PHKA1: variants seen among roughly 807,000 people sequenced by gnomAD.
The protein encoded by PHKA1 is phosphorylase b kinase regulatory subunit alpha, skeletal muscle isoform.
In PHKA1, 60 loss-of-function variants were observed where a neutral mutation model predicts 110.2. The ratio of observed to expected loss-of-function variants is 0.54; its 90% CI spans 0.44 to 0.68. PHKA1 has a LOEUF of 0.68. PHKA1 is among the 30% of genes least tolerant of loss of function. The pLI is 0.00. For synonymous variants in PHKA1, 316 were observed against 333.6 expected (o/e 0.95, Z 0.58); for missense variants, 801 against 942.5 (o/e 0.85, Z 1.97).
chrX:72,633,271 C>A (rs1395738114), intron 16 of PHKA1, among the ~76,000 whole-genome samples: 1 of 111,289 alleles, frequency 9.0e-6, no homozygotes, highest in Non-Finnish European at 1.9e-5. Context: ...GTGCAGCCAT[C>A]ATGGATGGGA....
intron 23 of PHKA1, among the ~76,000 whole-genome samples, chrX:72,608,141 C>T (rs1442889399): frequency 2.7e-5 from 3 of 111,295 alleles, no homozygotes; most frequent in Non-Finnish European, 5.7e-5. Context: ...TTAGTCAGCA[C>T]GTGATAAATC....
chrX:72,648,458 G>C (rs1556297808), intron 13 of PHKA1, among the ~76,000 whole-genome samples: 1 of 111,661 alleles, frequency 9.0e-6, no homozygotes, highest in East Asian at 2.8e-4. Context: ...TAGTGGTTGA[G>C]AAGTATGAAA....
chrX:72,601,275 G>A lies in PHKA1; in HGVS notation c.3072+716C>T, dbSNP rs576441947. On this transcript the variant is annotated intron_variant, in intron 28 of 31. Coordinates refer to ENST00000373542, the MANE Select transcript of PHKA1 (RefSeq NM_002637.4). ...TATTCAATGATACTTGTTAAAGCAC[G>A]GTAAGGAAGACTTTATTCAGGACCA... 5.2e-4 allele frequency among the ~76,000 whole-genome samples: 58 copies of A among 111,638 alleles called. 2 individuals are homozygous for A. In the South Asian group the frequency reaches 0.018, roughly 34 times the overall value.
chrX:72,580,907 G>A lies in PHKA1; in HGVS notation c.*95C>T. The A allele has an allele frequency of 1.3e-6, 1 of 783,115 alleles. No homozygotes were observed. The highest frequency in any genetic ancestry group is 1.9e-6 in the Non-Finnish European group (1 of 521,838). The allele number at this position is 783,115 out of a possible 1,213,427, so 64.5% of individuals were successfully genotyped here. Reference sequence around the variant, plus strand: ...GGATGGGACAGAAAGGGGCAGGGTTGGAGTGATTAGGCAATAACATTTTAG... The same window carrying A: ...GGATGGGACAGAAAGGGGCAGGGTTAGAGTGATTAGGCAATAACATTTTAG... On this transcript the variant is annotated 3_prime_UTR_variant, in exon 32 of 32. Transcript: ENST00000373542.
chrX:72,655,345 C>T (rs1261291836), intron 10 of PHKA1, among the ~76,000 whole-genome samples: 3 of 111,438 alleles, frequency 2.7e-5, no homozygotes, highest in Admixed American at 9.4e-5. Flanking sequence ...CCCAGGAGAT[C>T]GAAGCTGCAG....
At chrX:72,675,210 A>T (rs1224772531) in intron 6 of PHKA1, among the ~76,000 whole-genome samples, 1 of 107,036 alleles carries the variant, frequency 9.3e-6, no homozygotes, top group Non-Finnish European at 1.9e-5. Context: ...TAATAATAAT[A>T]AATAAATAAA....
intron 10 of PHKA1, among the ~76,000 whole-genome samples, chrX:72,653,912 A>G (rs1366228235): frequency 9.0e-6 from 1 of 110,944 alleles, no homozygotes; most frequent in Non-Finnish European, 1.9e-5. Context: ...TAGCTTCTAG[A>G]TTTGAGGATG....
chrX:72,667,285 C>T (rs1556306792), intron 7 of PHKA1, 90 bp downstream of exon 7: 2 of 639,428 alleles, frequency 3.1e-6, no homozygotes, highest in African/African-American at 4.4e-5. Flanking sequence ...CACTGTCTCT[C>T]ATTCAGCTAT....
chrX:72,693,529 G>A (rs782306308), intron 4 of PHKA1, among the ~76,000 whole-genome samples: 1 of 111,855 alleles, frequency 8.9e-6, no homozygotes, highest in East Asian at 2.8e-4. Flanking sequence ...TGACACCCCT[G>A]CTTTACAAAT....
At chrX:72,703,603 C>G (rs2054236101) in intron 3 of PHKA1, among the ~76,000 whole-genome samples, 1 of 111,466 alleles carries the variant, frequency 9.0e-6, no homozygotes, top group African/African-American at 3.3e-5. Flanking sequence ...ATCACTTGAG[C>G]CCAGAGGCCA....
intron 27 of PHKA1, 40 bp downstream of exon 27, chrX:72,602,118 C>G: frequency 9.3e-7 from 1 of 1,072,546 alleles, no homozygotes; most frequent in East Asian, 3.0e-5. Flanking sequence ...TGTTCTGAAA[C>G]ATGGCAATAT....
intron 6 of PHKA1, among the ~76,000 whole-genome samples, chrX:72,669,921 G>GTA (rs2053665700): frequency 9.0e-6 from 1 of 110,522 alleles, no homozygotes; most frequent in Admixed American, 9.6e-5. Flanking sequence ...GGGTCAAATG[G>GTA]TATTTCTAGT....
chrX:72,620,280 T>C (rs1297428225), intron 19 of PHKA1, among the ~76,000 whole-genome samples: 2 of 111,589 alleles, frequency 1.8e-5, no homozygotes, highest in Non-Finnish European at 3.8e-5. Flanking sequence ...CCCTCCACTG[T>C]GAATACAACT....
chrX:72,630,832 T>G (rs782448952), intron 16 of PHKA1, among the ~76,000 whole-genome samples: 1 of 110,964 alleles, frequency 9.0e-6, no homozygotes, highest in Non-Finnish European at 1.9e-5. Flanking sequence ...AATTTTTCAG[T>G]CATTATTAGT....
intron 25 of PHKA1, among the ~76,000 whole-genome samples, chrX:72,603,435 C>G (rs1274392988): frequency 9.0e-6 from 1 of 111,654 alleles, no homozygotes. Context: ...TGTGGATTAG[C>G]GAGGTAATTG....
At chrX:72,587,963 G>C (rs2037140924) in intron 29 of PHKA1, among the ~76,000 whole-genome samples, 1 of 111,456 alleles carries the variant, frequency 9.0e-6, no homozygotes. Flanking sequence ...AAGAGACTCA[G>C]ACTCCCACAC....
rs782274558 is a variant in PHKA1 at position 72,635,159 on chromosome X, C to A, written c.1710G>T (p.Met570Ile). The change falls in exon 16 of 32, where the codon ATG (methionine) becomes ATT (isoleucine). Residue 570 changes from methionine to isoleucine, a missense_variant. This residue lies in a region of PHKA1 where 502 missense variants were observed against 519.2 expected (regional missense o/e 0.97). Transcript: ENST00000373542. ...CTTGCCTCATGCAGCCCTTACCAAGCATGCTGTGTGAGATGGGGAAGGTGA... is the reference window on the plus strand; with the variant it reads ...CTTGCCTCATGCAGCCCTTACCAAGAATGCTGTGTGAGATGGGGAAGGTGA... ...PTITFPISHS[M>I]LDEDGTSLNS... 5 of 1,210,238 alleles carry A rather than the reference C, an allele frequency of 4.1e-6. No homozygotes were observed. Among genetic ancestry groups the A allele is most frequent in the Non-Finnish European group, 5.6e-6 (5 of 895,281 alleles).
chrX:72,584,761 T>C (rs1556209106), intron 29 of PHKA1, among the ~76,000 whole-genome samples: 1 of 110,932 alleles, frequency 9.0e-6, no homozygotes, highest in African/African-American at 3.3e-5. Context: ...GTTTTTTTTT[T>C]ATTATTATAC....
At chrX:72,634,050 A>C (rs1014068932) in intron 16 of PHKA1, among the ~76,000 whole-genome samples, 21 of 111,795 alleles carry the variant, frequency 1.9e-4, no homozygotes, top group African/African-American at 6.5e-4. Context: ...GTTAAGTCCT[A>C]CCTCAGTTGA....
Sources: gnomAD v4.1 joint callset for allele counts (sites outside exome capture counted in the v4.1 genomes callset) on GRCh38, gnomAD v4.1.1 for gene constraint, gnomAD v4.1.1 regional missense constraint, MANE v1.5 for transcripts, NCBI Gene and HGNC (gene_info 2026-07-23, HGNC 2026-07-21) for gene names.